PACRG: variants seen among roughly 807,000 people sequenced by gnomAD.
PACRG encodes the protein parkin coregulated, also known as parkin coregulated gene protein.
A neutral mutation model predicts 29.7 loss-of-function variants in PACRG; 29 were observed. The ratio of observed to expected loss-of-function variants is 0.98; its 90% CI spans 0.73 to 1.33. The LOEUF is 1.33. PACRG is among the 40% of genes most tolerant of loss of function. The pLI is 0.00. For synonymous variants in PACRG, 116 were observed against 118.7 expected (o/e 0.98, Z 0.15); for missense variants, 279 against 316.2 (o/e 0.88, Z 0.89).
At chr6:163,028,202 A>G (rs1807326743) in intron 2 of PACRG, among the ~76,000 whole-genome samples, 1 of 152,252 alleles carries the variant, frequency 6.6e-6, no homozygotes. Flanking sequence ...AATTATAAGT[A>G]TAAAAAAGTT....
chr6:163,228,166 C>T (rs1781879412), intron 4 of PACRG, among the ~76,000 whole-genome samples: 1 of 150,894 alleles, frequency 6.6e-6, no homozygotes, highest in African/African-American at 2.4e-5. Flanking sequence ...TTCAATCTAC[C>T]ACTAATCAGT....
intron 4 of PACRG, among the ~76,000 whole-genome samples, chr6:163,108,392 CTTTTTT>C (rs528887997): frequency 0.013 from 1,138 of 90,570 alleles, 11 homozygotes; most frequent in Middle Eastern, 0.029. Flanking sequence ...TTCTCTTTCC[CTTTTTT>C]TTTTTTTTTT....
chr6:163,151,757 A>G (rs570843970), intron 4 of PACRG, among the ~76,000 whole-genome samples: 33 of 152,352 alleles, frequency 2.2e-4, no homozygotes, highest in African/African-American at 7.2e-4. Context: ...TCCAAAGAAT[A>G]TCAATTATAT....
intron 4 of PACRG, among the ~76,000 whole-genome samples, chr6:163,128,916 G>C (rs1816621967): frequency 6.6e-6 from 1 of 152,140 alleles, no homozygotes; most frequent in Non-Finnish European, 1.5e-5. Context: ...AATTTGATTT[G>C]ATATATATCT....
intron 2 of PACRG, among the ~76,000 whole-genome samples, chr6:163,031,904 CA>C (rs1199438134): frequency 6.6e-6 from 1 of 152,206 alleles, no homozygotes; most frequent in Non-Finnish European, 1.5e-5. Flanking sequence ...GTTTTCCAAA[CA>C]GCTTTTATTG....
intron 4 of PACRG, chr6:163,101,417 T>G (rs1051528385): frequency 2.1e-6 from 2 of 948,066 alleles, no homozygotes; most frequent in East Asian, 2.3e-4. Flanking sequence ...ATGTTACATA[T>G]GTTTGTATGA....
intron 2 of PACRG, among the ~76,000 whole-genome samples, chr6:163,001,282 C>G (rs1386907217): frequency 6.6e-6 from 1 of 152,182 alleles, no homozygotes; most frequent in African/African-American, 2.4e-5. Flanking sequence ...CCACAATTCT[C>G]CAAAGAGCTT....
At chr6:163,291,171 G>GT (rs1562362112) in intron 4 of PACRG, among the ~76,000 whole-genome samples, 123 of 148,620 alleles carry the variant, frequency 8.3e-4, no homozygotes, top group African/African-American at 1.3e-3. Flanking sequence ...CCTGCAAGAT[G>GT]ACCCTCTGCC....
intron 2 of PACRG, among the ~76,000 whole-genome samples, chr6:162,969,034 G>A (rs949886177): frequency 2.2e-5 from 2 of 91,520 alleles, no homozygotes; most frequent in Non-Finnish European, 1.9e-5. Context: ...GGAACAGAGC[G>A]AGACTCTATC....
intron 2 of PACRG, among the ~76,000 whole-genome samples, chr6:162,917,779 C>T (rs1405837200): frequency 1.3e-5 from 2 of 151,998 alleles, no homozygotes; most frequent in African/African-American, 2.4e-5. Flanking sequence ...TTGGCCTAAC[C>T]TCTCTCTCTC....
At position 162,915,163 on chromosome 6, in the gene PACRG, C is replaced by T. The variant is rs553079577; in HGVS notation, c.291+100882C>T. Among the ~76,000 whole-genome samples the T allele has an allele frequency of 8.3e-4, 126 of 151,990 alleles. 1 individual carries two copies. The South Asian group carries it at 0.025, about 30-fold the overall frequency. ...TTGGCTATGAGTTTTTCATAAATAACCATTATCTACTTGAGGAATTTCTTA... is the reference window on the plus strand; with the variant it reads ...TTGGCTATGAGTTTTTCATAAATAATCATTATCTACTTGAGGAATTTCTTA... On this transcript the variant is annotated intron_variant, in intron 2 of 4. Coordinates refer to ENST00000366888, the MANE Select transcript of PACRG (RefSeq NM_001080379.2).
At chr6:163,089,677 T>TG (rs3831041) in intron 4 of PACRG, among the ~76,000 whole-genome samples, 45,973 of 151,972 alleles carry the variant, frequency 0.3, 7,529 homozygotes, top group East Asian at 0.57. Flanking sequence ...ATAATTAAAT[T>TG]TGAAGTTTTT....
chr6:163,074,279 A>T (rs1812340193), intron 3 of PACRG, among the ~76,000 whole-genome samples: 1 of 152,162 alleles, frequency 6.6e-6, no homozygotes, highest in Admixed American at 6.6e-5. Context: ...AACAACATGG[A>T]TGGAACTGGA....
intron 4 of PACRG, among the ~76,000 whole-genome samples, chr6:163,112,430 G>T (rs1035478147): frequency 1.5e-4 from 23 of 152,286 alleles, no homozygotes; most frequent in Non-Finnish European, 2.9e-5. Flanking sequence ...GCTTCTGAAT[G>T]TGGAGCTGCA....
At chr6:163,137,480 A>T (rs982550357) in intron 4 of PACRG, among the ~76,000 whole-genome samples, 4 of 152,142 alleles carry the variant, frequency 2.6e-5, no homozygotes, top group Non-Finnish European at 5.9e-5. Context: ...AAATCCTCAG[A>T]ACTCCATCCA....
In PACRG at chr6:163,158,510, G is replaced by A. The variant is rs78224730; in HGVS notation, c.613+69102G>A. Among the ~76,000 whole-genome samples the A allele has an allele frequency of 4.5e-3, 681 of 152,302 alleles. 4 individuals carry two copies. Among genetic ancestry groups the A allele is most frequent in the African/African-American group, 0.015 (641 of 41,560 alleles). On this transcript the variant is annotated intron_variant, in intron 4 of 4. Coordinates refer to ENST00000366888, the MANE Select transcript of PACRG (RefSeq NM_001080379.2). ...AACCTAGGAAAGAAAAGTAGGGAAC[G>A]TGAATTACAGTAGGATGTGTGTCAT...
chr6:162,801,152 T>C (rs949335937), intron 1 of PACRG, among the ~76,000 whole-genome samples: 1 of 152,156 alleles, frequency 6.6e-6, no homozygotes, highest in Non-Finnish European at 1.5e-5. Context: ...AGAGTCTCGC[T>C]CTGTTGCCCA....
chr6:162,939,847 A>C (rs1306446269), intron 2 of PACRG, among the ~76,000 whole-genome samples: 1 of 152,208 alleles, frequency 6.6e-6, no homozygotes, highest in African/African-American at 2.4e-5. Flanking sequence ...GCTAATTTGC[A>C]AAATTTATTT....
chr6:163,111,855 G>A (rs1479579704), intron 4 of PACRG, among the ~76,000 whole-genome samples: 1 of 152,170 alleles, frequency 6.6e-6, no homozygotes, highest in African/African-American at 2.4e-5. Context: ...TAATAAACAT[G>A]CTCCTGGCAC....
Sources: allele counts gnomAD v4.1 joint callset (sites outside exome capture counted in the v4.1 genomes callset), GRCh38; gene constraint gnomAD v4.1.1; transcripts MANE v1.5; gene names NCBI Gene and HGNC (gene_info 2026-07-23, HGNC 2026-07-21).